The following PCDHA11 variants were observed in gnomAD, a reference collection of about 807,000 sequenced individuals.
PCDHA11 encodes protocadherin alpha 11.
A neutral mutation model predicts 70.3 loss-of-function variants in PCDHA11; 61 were observed. The observed-to-expected ratio is 0.87, with a 90% CI of 0.71 to 1.07. The LOEUF (loss-of-function observed/expected upper bound fraction) is 1.07, where lower values mean the gene tolerates loss of function less well. Among genes scored for constraint, PCDHA11 ranks in the 50% least tolerant of loss-of-function variants. The pLI is 0.00. For synonymous variants in PCDHA11, 633 were observed against 555.1 expected, an observed-to-expected ratio of 1.14 and a Z score of -1.97; for missense variants, 1,324 against 1,237.5, an observed-to-expected ratio of 1.07 and a Z score of -1.05.
intron 1 of PCDHA11, among the ~76,000 whole-genome samples, chr5:140,957,377 G>A (rs1001680224): frequency 3.3e-5 from 5 of 152,074 alleles, no homozygotes; most frequent in Admixed American, 2.0e-4. Context: ...TTATTATAGT[G>A]TATTGTTATA....
At chr5:140,926,947 G>C in intron 1 of PCDHA11, 1 of 1,590,600 alleles carries the variant, frequency 6.3e-7, no homozygotes, top group Non-Finnish European at 8.6e-7. Context: ...CGGCGCTGCA[G>C]CGGGACAGCT....
chr5:140,927,635 A>G (rs782672031), intron 1 of PCDHA11: 17 of 1,614,038 alleles, frequency 1.1e-5, no homozygotes, highest in East Asian at 4.5e-5. Context: ...ACTGCACCCA[A>G]TGGGACTGTG....
At chr5:140,946,152 G>T (rs1279401608) in intron 1 of PCDHA11, among the ~76,000 whole-genome samples, 1 of 151,750 alleles carries the variant, frequency 6.6e-6, no homozygotes, top group Non-Finnish European at 1.5e-5. Flanking sequence ...CAAATAACAC[G>T]ATTTAAAAGA....
In PCDHA11 at chr5:141,011,189, A is replaced by G. The variant is rs573647175; in HGVS notation, c.*1252A>G. On this transcript the variant is annotated 3_prime_UTR_variant, in exon 4 of 4. Coordinates refer to ENST00000398640, the MANE Select transcript of PCDHA11 (RefSeq NM_018902.5). ...CAAGACCCAAAAATTGAAGAAAAAT[A>G]TTGTTTTCTCATACAGTGAGCAGAT... 1.3e-5 allele frequency: 2 copies of G among 153,810 alleles called. No homozygotes were observed. Among genetic ancestry groups the G allele is most frequent in the African/African-American group, 4.8e-5 (2 of 41,570 alleles). 9.5% of individuals were successfully genotyped at this position (153,810 alleles called of 1,614,324 possible).
At chr5:140,924,881 C>T (rs1177812297) in intron 1 of PCDHA11, among the ~76,000 whole-genome samples, 20 of 141,170 alleles carry the variant, frequency 1.4e-4, no homozygotes, top group African/African-American at 5.5e-4. Flanking sequence ...GGTGACAGAG[C>T]AAGAACCTGT....
intron 3 of PCDHA11, among the ~76,000 whole-genome samples, chr5:140,985,246 T>C (rs2097143888): frequency 6.6e-6 from 1 of 152,110 alleles, no homozygotes; most frequent in African/African-American, 2.4e-5. Flanking sequence ...CTAATCTTCT[T>C]ACTCTTTTTT....
intron 1 of PCDHA11, among the ~76,000 whole-genome samples, chr5:140,975,246 G>T (rs1304794782): frequency 6.6e-6 from 1 of 152,136 alleles, no homozygotes; most frequent in Non-Finnish European, 1.5e-5. Context: ...TCCCTCTTAT[G>T]CTTCAGATCT....
chr5:140,874,053 CAATTT>C (rs1290519215), intron 1 of PCDHA11, among the ~76,000 whole-genome samples: 1 of 152,190 alleles, frequency 6.6e-6, no homozygotes, highest in Non-Finnish European at 1.5e-5. Flanking sequence ...TGATATTAGA[CAATTT>C]AAATAATTAG....
At chr5:140,966,313 C>T (rs1349194825) in intron 1 of PCDHA11, 18 of 386,704 alleles carry the variant, frequency 4.7e-5, no homozygotes, top group African/African-American at 2.5e-4. Flanking sequence ...CGTGTTCCTG[C>T]GGTCCGCTGG....
intron 1 of PCDHA11, chr5:140,875,323 A>G: frequency 2.1e-6 from 3 of 1,427,940 alleles, no homozygotes; most frequent in South Asian, 3.2e-5. Flanking sequence ...CCAATCATTC[A>G]CGGAATAGGA....
At chr5:140,921,856 GTA>G (rs1295273364) in intron 1 of PCDHA11, among the ~76,000 whole-genome samples, 4 of 151,824 alleles carry the variant, frequency 2.6e-5, no homozygotes, top group Non-Finnish European at 5.9e-5. Flanking sequence ...AGATGTGTGT[GTA>G]TATATACAGT....
rs373518493 is a variant in PCDHA11, at chr5:140,883,950, A to T, written c.2391+12456A>T. 129 of 1,613,288 alleles carry T rather than the reference A, an allele frequency of 8.0e-5. 1 individual carries two copies. In the East Asian group the frequency reaches 1.2e-3, roughly 15 times the overall value. Reference sequence around the variant, plus strand: ...GTGTTCGTGCTGGACGAGAACGACAACGCTCCGGCGCTGCTGACGCCCGGG... The same window carrying T: ...GTGTTCGTGCTGGACGAGAACGACATCGCTCCGGCGCTGCTGACGCCCGGG... On this transcript the variant is annotated intron_variant, in intron 1 of 3. Coordinates refer to ENST00000398640, the MANE Select transcript of PCDHA11 (RefSeq NM_018902.5).
chr5:141,006,567 C>T (rs2098278386), intron 3 of PCDHA11, among the ~76,000 whole-genome samples: 1 of 152,030 alleles, frequency 6.6e-6, no homozygotes, highest in Admixed American at 6.6e-5. Flanking sequence ...ACTCTGGCTA[C>T]TGTGTGGAGG....
chr5:140,945,516 A>C (rs1192013721), intron 1 of PCDHA11, among the ~76,000 whole-genome samples: 2 of 152,154 alleles, frequency 1.3e-5, no homozygotes, highest in Non-Finnish European at 2.9e-5. Flanking sequence ...AAAGTAAATA[A>C]ATAAATAAAA....
chr5:140,968,295 A>G lies in PCDHA11; in HGVS notation c.2392-10654A>G, dbSNP rs782722853. 4 of 1,613,916 alleles carry G rather than the reference A, an allele frequency of 2.5e-6. No homozygotes were observed. The Admixed American group carries it at 5.0e-5, about 20-fold the overall frequency. ...GCAGAGGTGACCTACTCCCTTCTGG[A>G]GAGGGAGATTCAAGGGCTGCCAGTC... On this transcript the variant is annotated intron_variant, in intron 1 of 3. Coordinates refer to ENST00000398640, the MANE Select transcript of PCDHA11 (RefSeq NM_018902.5).
At chr5:140,957,269 T>TC (rs2095346885) in intron 1 of PCDHA11, among the ~76,000 whole-genome samples, 1 of 152,070 alleles carries the variant, frequency 6.6e-6, no homozygotes, top group African/African-American at 2.4e-5. Context: ...TAAGCACTAG[T>TC]CCCCCCTTAC....
Position 140,871,151 on chromosome 5 carries a change from C to T in PCDHA11, c.2048C>T (p.Ala683Val). 1 of 1,613,328 alleles carries T rather than the reference C, an allele frequency of 6.2e-7. No homozygotes were observed. Among genetic ancestry groups the T allele is most frequent in the Non-Finnish European group, 8.5e-7 (1 of 1,179,900 alleles). Residue 683 changes from alanine to valine, a missense_variant, in exon 1 of 4, where the codon GCG (alanine) becomes GTG (valine). Physicochemically the swap from Ala to Val is moderately conservative, Grantham distance 64. Transcript: ENST00000398640. ...CCAAAGGCCTCTTCCCGGACTTTGGCGGGCGCCGCGAGCCCAGAGGCTGCG... is the reference window on the plus strand; with the variant it reads ...CCAAAGGCCTCTTCCCGGACTTTGGTGGGCGCCGCGAGCCCAGAGGCTGCG... ...QAPKASSRTL[A>V]GAASPEAALV...
In PCDHA11 at chr5:140,997,121, A is replaced by G. The variant is rs138556400; in HGVS notation, c.2540-12506A>G. On this transcript the variant is annotated intron_variant, in intron 3 of 3. Transcript: ENST00000398640. ...CTCATGCACTCCTGCTCTCCCACAT[A>G]CACAATGCCCCCACACCCCCGCCAC... 2.1e-4 allele frequency among the ~76,000 whole-genome samples: 32 copies of G among 152,152 alleles called. No individual in the cohort carries two copies. The East Asian group carries it at 5.8e-3, about 28-fold the overall frequency.
At chr5:141,002,485 C>T (rs1287282223) in intron 3 of PCDHA11, among the ~76,000 whole-genome samples, 2 of 152,154 alleles carry the variant, frequency 1.3e-5, no homozygotes, top group Non-Finnish European at 2.9e-5. Flanking sequence ...AAAGGATGAC[C>T]TTGTTATACA....
Sources: allele counts gnomAD v4.1 joint callset (sites outside exome capture counted in the v4.1 genomes callset), GRCh38; gene constraint gnomAD v4.1.1; transcripts MANE v1.5; gene names NCBI Gene and HGNC (gene_info 2026-07-23, HGNC 2026-07-21).